CLASP1: variants seen among roughly 807,000 people sequenced by gnomAD.
The protein encoded by CLASP1 is CLIP-associating protein 1.
Under a neutral mutation model 192.3 loss-of-function variants are expected in CLASP1, and 38 were observed. The ratio of observed to expected loss-of-function variants is 0.20; its 90% CI spans 0.15 to 0.26. The LOEUF is 0.26. CLASP1 is among the 10% of genes least tolerant of loss of function. The pLI is 1.00. For synonymous variants in CLASP1, 691 were observed against 712.8 expected, an observed-to-expected ratio of 0.97 and a Z score of 0.49; for missense variants, 1,433 against 1,932.5, an observed-to-expected ratio of 0.74 and a Z score of 4.85.
intron 2 of CLASP1, among the ~76,000 whole-genome samples, chr2:121,593,970 T>G (rs1021829053): frequency 6.7e-6 from 1 of 149,496 alleles, no homozygotes; most frequent in Admixed American, 6.7e-5. Flanking sequence ...ATCGCGCCAC[T>G]GCACTCCAGC....
At chr2:121,628,778 C>G (rs1022722824) in intron 1 of CLASP1, among the ~76,000 whole-genome samples, 1 of 151,134 alleles carries the variant, frequency 6.6e-6, no homozygotes, top group African/African-American at 2.4e-5. Flanking sequence ...TTGGCAACAT[C>G]TCTTCACCCA....
intron 8 of CLASP1, among the ~76,000 whole-genome samples, chr2:121,473,598 T>C (rs1338184732): frequency 6.6e-6 from 1 of 152,062 alleles, no homozygotes; most frequent in African/African-American, 2.4e-5. Context: ...CCAAATTTGA[T>C]AGAAACTATA....
At chr2:121,630,211 C>T (rs1239801758) in intron 1 of CLASP1, among the ~76,000 whole-genome samples, 1 of 152,130 alleles carries the variant, frequency 6.6e-6, no homozygotes, top group African/African-American at 2.4e-5. Flanking sequence ...TGAGCCACCA[C>T]GCCCAGCCTC....
chr2:121,492,550 G>A (rs113852298), intron 8 of CLASP1, among the ~76,000 whole-genome samples: 7,847 of 151,396 alleles, frequency 0.052, 679 homozygotes, highest in African/African-American at 0.18. Context: ...TTCCAACGTA[G>A]ATCAACAAAT....
intron 19 of CLASP1, among the ~76,000 whole-genome samples, chr2:121,438,151 A>C (rs1324910259): frequency 6.6e-6 from 1 of 152,182 alleles, no homozygotes; most frequent in Non-Finnish European, 1.5e-5. Context: ...CCGAGGAATT[A>C]GATTTGAGAG....
chr2:121,558,493 A>G (rs182493707), intron 2 of CLASP1, among the ~76,000 whole-genome samples: 68 of 152,332 alleles, frequency 4.5e-4, no homozygotes, highest in African/African-American at 1.5e-3. Context: ...TCACGAATGG[A>G]TGAATGAATT....
At chr2:121,460,005 C>A (rs780223558) in exon 12 of CLASP1, 1 of 1,612,994 alleles carries the variant, frequency 6.2e-7, no homozygotes, top group Non-Finnish European at 8.5e-7. Flanking sequence ...GCCTCCCGCA[C>A]TACCTGAGAC....
chr2:121,582,524 A>G (rs1244630261), intron 2 of CLASP1, among the ~76,000 whole-genome samples: 2 of 151,152 alleles, frequency 1.3e-5, no homozygotes, highest in Admixed American at 6.6e-5. Context: ...GAGAGAGAGA[A>G]AGAAAGACAG....
chr2:121,548,419 G>C (rs1380220204), intron 2 of CLASP1, among the ~76,000 whole-genome samples: 9 of 152,176 alleles, frequency 5.9e-5, no homozygotes, highest in Non-Finnish European at 2.9e-5. Flanking sequence ...ATTATGTAAA[G>C]AAGCCAAATC....
chr2:121,503,065 G>A (rs1011617271), intron 8 of CLASP1, 102 bp downstream of exon 8: 3 of 736,878 alleles, frequency 4.1e-6, no homozygotes, highest in Admixed American at 5.4e-5. Flanking sequence ...TTAAGACTTA[G>A]AAACTCTTAC....
intron 2 of CLASP1, among the ~76,000 whole-genome samples, chr2:121,583,867 G>C (rs1179144712): frequency 6.6e-6 from 1 of 151,818 alleles, no homozygotes; most frequent in African/African-American, 2.4e-5. Context: ...AACACTTTAT[G>C]AAAGTGTTAG....
chr2:121,403,410 C>G (rs769032818), intron 26 of CLASP1: 3 of 456,448 alleles, frequency 6.6e-6, no homozygotes, highest in Non-Finnish European at 8.8e-6. Flanking sequence ...ACAATTCCTA[C>G]GAGGAAGCAA....
chr2:121,410,142 G>T (rs576226169), intron 24 of CLASP1, among the ~76,000 whole-genome samples: 2 of 152,310 alleles, frequency 1.3e-5, no homozygotes, highest in Non-Finnish European at 2.9e-5. Context: ...TGATCAGACA[G>T]TTCTAAAGAA....
chr2:121,592,294 T>C (rs2062496849), intron 2 of CLASP1, among the ~76,000 whole-genome samples: 9 of 152,252 alleles, frequency 5.9e-5, no homozygotes. Flanking sequence ...ATAATATTTA[T>C]GAAAACTTTC....
At chr2:121,430,994 G>C (rs962673700) in intron 19 of CLASP1, among the ~76,000 whole-genome samples, 14 of 149,862 alleles carry the variant, frequency 9.3e-5, no homozygotes, top group African/African-American at 3.5e-4. Context: ...AAAAAAAATA[G>C]GCCTTTTTGG....
chr2:121,452,414 C>T (rs879807873), intron 14 of CLASP1, among the ~76,000 whole-genome samples: 2 of 152,114 alleles, frequency 1.3e-5, no homozygotes, highest in Non-Finnish European at 2.9e-5. Context: ...TAAGCCTTTT[C>T]ACTTTTATGA....
intron 2 of CLASP1, among the ~76,000 whole-genome samples, chr2:121,541,567 T>TCC (rs2095234400): frequency 1.3e-5 from 2 of 152,144 alleles, no homozygotes; most frequent in South Asian, 4.1e-4. Flanking sequence ...CATCTCTCTT[T>TCC]CTCTCTCTCT....
chr2:121,534,545 T>C (rs1343843897), intron 2 of CLASP1, among the ~76,000 whole-genome samples: 3 of 152,194 alleles, frequency 2.0e-5, no homozygotes. Context: ...GTTGTTGTTG[T>C]TTGTTTTTTT....
Position 121,515,775 on chromosome 2 carries a change from G to A in CLASP1, c.547-13C>T, listed in dbSNP as rs560371822. 2.8e-5 allele frequency: 45 copies of A among 1,609,894 alleles called. 1 individual carries two copies. In the South Asian group the frequency reaches 4.5e-4, roughly 16 times the overall value. The stretch of plus-strand genomic sequence containing the variant: ...CTGCATCTCGAACCTAGATATAAAA[G>A]AAGAGATCTTACAGCTGCTCTGTGT... On this transcript the variant is annotated splice_polypyrimidine_tract_variant and intron_variant, in intron 6 of 39. Coordinates refer to ENST00000263710, the Ensembl canonical transcript of CLASP1.
Sources: gnomAD v4.1 joint callset for allele counts (sites outside exome capture counted in the v4.1 genomes callset) on GRCh38, gnomAD v4.1.1 for gene constraint, MANE v1.5 for transcripts, NCBI Gene and HGNC (gene_info 2026-07-23, HGNC 2026-07-21) for gene names.